Variants in STT3B observed in about 807,000 individuals in gnomAD.
The protein encoded by STT3B is dolichyl-diphosphooligosaccharide--protein glycosyltransferase subunit STT3B.
Under a neutral mutation model 96.8 loss-of-function variants are expected in STT3B, and 29 were observed. That is an observed-to-expected ratio of 0.30 (90% CI 0.22 to 0.41). The LOEUF (loss-of-function observed/expected upper bound fraction) is 0.41, where lower values mean the gene tolerates loss of function less well. Among genes scored for constraint, STT3B ranks in the 10% least tolerant of loss-of-function variants. STT3B has a pLI of 1.00. For synonymous variants in STT3B, 367 were observed against 360.0 expected (o/e 1.02, Z -0.22); for missense variants, 640 against 1,022.3 (o/e 0.63, Z 5.10).
intron 15 of STT3B, 98 bp from the exon 16 acceptor site, chr3:31,635,886 T>C: frequency 1.3e-6 from 1 of 788,854 alleles, no homozygotes; most frequent in Non-Finnish European, 2.0e-6. Context: ...GCAGAGAGCT[T>C]ACTAAGTCAT....
intron 1 of STT3B, 136 bp from the exon 2 acceptor site, chr3:31,576,260 A>G: frequency 4.3e-6 from 2 of 466,304 alleles, no homozygotes. Flanking sequence ...TTCTTTTGAT[A>G]TCTTCAGATT....
At chr3:31,580,681 A>T (rs1698364194) in intron 3 of STT3B, among the ~76,000 whole-genome samples, 1 of 152,152 alleles carries the variant, frequency 6.6e-6, no homozygotes, top group African/African-American at 2.4e-5. Flanking sequence ...ATGGCAGCAT[A>T]AATTTTCTCT....
At chr3:31,559,146 G>GGTGTGTGTGTGT (rs55707310) in intron 1 of STT3B, among the ~76,000 whole-genome samples, 7 of 116,532 alleles carry the variant, frequency 6.0e-5, no homozygotes, top group African/African-American at 1.3e-4. Flanking sequence ...TGATTCTTGG[G>GGTGTGTGTGTGT]GTGTGTGTGT....
intron 15 of STT3B, among the ~76,000 whole-genome samples, chr3:31,634,330 G>C (rs1422345942): frequency 6.6e-6 from 1 of 152,188 alleles, no homozygotes; most frequent in African/African-American, 2.4e-5. Flanking sequence ...TCTGCAAAAA[G>C]AGGGCTGTTG....
chr3:31,573,058 A>C (rs1454866596), intron 1 of STT3B, among the ~76,000 whole-genome samples: 1 of 152,110 alleles, frequency 6.6e-6, no homozygotes, highest in Admixed American at 6.6e-5. Flanking sequence ...ATAGGGAGGG[A>C]GACATCAGTG....
chr3:31,553,312 C>T (rs2125441141), intron 1 of STT3B, among the ~76,000 whole-genome samples: 1 of 152,146 alleles, frequency 6.6e-6, no homozygotes, highest in South Asian at 2.1e-4. Flanking sequence ...TACAAGAATG[C>T]TTGTTCATAT....
chr3:31,556,695 C>G (rs1024238320), intron 1 of STT3B, among the ~76,000 whole-genome samples: 5 of 152,112 alleles, frequency 3.3e-5, no homozygotes, highest in African/African-American at 1.2e-4. Flanking sequence ...TGTATGTCTT[C>G]TTTTGAGAAA....
At chr3:31,601,922 A>G (rs1303221016) in intron 5 of STT3B, among the ~76,000 whole-genome samples, 3 of 152,196 alleles carry the variant, frequency 2.0e-5, no homozygotes, top group African/African-American at 7.2e-5. Context: ...AAGATCATGT[A>G]GCTAATAACG....
intron 3 of STT3B, among the ~76,000 whole-genome samples, chr3:31,584,783 G>A (rs1358543405): frequency 6.6e-6 from 1 of 151,986 alleles, no homozygotes; most frequent in Non-Finnish European, 1.5e-5. Context: ...TTGAGTTCTG[G>A]CATAAAATAC....
At chr3:31,624,663 G>A (rs1457144484) in intron 11 of STT3B, among the ~76,000 whole-genome samples, 2 of 143,642 alleles carry the variant, frequency 1.4e-5, no homozygotes, top group Non-Finnish European at 3.0e-5. Context: ...TACTGAATCA[G>A]AATCGGCTTT....
At chr3:31,577,080 T>C (rs572494467) in intron 2 of STT3B, among the ~76,000 whole-genome samples, 1 of 152,270 alleles carries the variant, frequency 6.6e-6, no homozygotes, top group African/African-American at 2.4e-5. Context: ...CGGAGAAATA[T>C]ATGTTTGATT....
intron 1 of STT3B, among the ~76,000 whole-genome samples, chr3:31,555,530 G>A (rs1697683659): frequency 6.6e-6 from 1 of 151,988 alleles, no homozygotes; most frequent in African/African-American, 2.4e-5. Flanking sequence ...CTGCTTCTCT[G>A]TTTTGGCCCT....
Position 31,616,986 on chromosome 3 carries a change from C to T in STT3B, c.1034C>T (p.Thr345Ile), listed in dbSNP as rs1268874500. 6.2e-7 allele frequency: 1 copy of T among 1,611,934 alleles called. No individual in the cohort carries two copies. The highest frequency in any genetic ancestry group is 1.7e-5 in the Admixed American group (1 of 59,980). The change falls in exon 7 of 16, where the codon ACA (threonine) becomes ATA (isoleucine). Residue 345 changes from threonine to isoleucine, a missense_variant. Physicochemically the swap from Thr to Ile is moderately conservative, Grantham distance 89. Coordinates refer to ENST00000295770, the MANE Select transcript of STT3B (RefSeq NM_178862.3). Reference protein sequence around the residue: ...AFLQYLRDRLTKQEFQTLFFL... With the variant: ...AFLQYLRDRLIKQEFQTLFFL... Reference sequence around the variant, plus strand: ...TTGCAGTATCTGAGAGACCGATTAACAAAACAAGAGTTCCAGACCCTTTTC... The same window carrying T: ...TTGCAGTATCTGAGAGACCGATTAATAAAACAAGAGTTCCAGACCCTTTTC...
Position 31,617,071 on chromosome 3 carries a change from T to C in STT3B, c.1119T>C (p.Tyr373=), listed in dbSNP as rs1286723979. 7.5e-6 allele frequency: 12 copies of C among 1,604,162 alleles called. No individual in the cohort carries two copies. The highest frequency in any genetic ancestry group is 1.3e-5 in the African/African-American group (1 of 74,920). The change falls in exon 7 of 16, where the codon TAT becomes TAC. Residue 373 remains tyrosine (Y), a synonymous_variant. Coordinates refer to ENST00000295770, the MANE Select transcript of STT3B (RefSeq NM_178862.3). ...AVFLSVIYLT[Y]TGYIAPWSGR... Reference sequence around the variant, plus strand: ...TCCTTAGTGTCATCTATTTGACTTATACAGGTACGTGTTATCACCTGTAGG... The same window carrying C: ...TCCTTAGTGTCATCTATTTGACTTACACAGGTACGTGTTATCACCTGTAGG...
At chr3:31,613,953 T>C (rs1233367981) in intron 5 of STT3B, among the ~76,000 whole-genome samples, 1 of 151,992 alleles carries the variant, frequency 6.6e-6, no homozygotes, top group African/African-American at 2.4e-5. Context: ...CTTTGGTCCT[T>C]CCTATTAAAT....
intron 1 of STT3B, among the ~76,000 whole-genome samples, chr3:31,559,146 GGTGTGTGTGTGTGTGTGT>G (rs55707310): frequency 1.3e-3 from 147 of 116,534 alleles, no homozygotes; most frequent in African/African-American, 4.2e-3. Context: ...TGATTCTTGG[GGTGTGTGTGTGTGTGTGT>G]GTGTGTGTGT....
chr3:31,545,018 C>G (rs1464632818), intron 1 of STT3B, among the ~76,000 whole-genome samples: 1 of 151,874 alleles, frequency 6.6e-6, no homozygotes, highest in Non-Finnish European at 1.5e-5. Context: ...AATTGCAATC[C>G]CAAGATGATT....
At chr3:31,534,329 T>C (rs1418492978) in intron 1 of STT3B, among the ~76,000 whole-genome samples, 3 of 152,210 alleles carry the variant, frequency 2.0e-5, no homozygotes, top group Admixed American at 6.5e-5. Flanking sequence ...ACTACATTGG[T>C]CTGTGAATTA....
intron 1 of STT3B, among the ~76,000 whole-genome samples, chr3:31,535,383 A>G (rs949210735): frequency 6.7e-6 from 1 of 148,606 alleles, no homozygotes; most frequent in African/African-American, 2.5e-5. Flanking sequence ...TTCTTTTTCC[A>G]GCTTCAGTAG....
Sources: gnomAD v4.1 joint callset for allele counts (sites outside exome capture counted in the v4.1 genomes callset) on GRCh38, gnomAD v4.1.1 for gene constraint, MANE v1.5 for transcripts, NCBI Gene and HGNC (gene_info 2026-07-23, HGNC 2026-07-21) for gene names.